Variants in GABRG2 observed in about 807,000 individuals in gnomAD.
The protein encoded by GABRG2 is gamma-aminobutyric acid type A receptor subunit gamma2.
Under a neutral mutation model 56.4 loss-of-function variants are expected in GABRG2, and 16 were observed. That is an observed-to-expected ratio of 0.28 (90% CI 0.19 to 0.43). The LOEUF (loss-of-function observed/expected upper bound fraction) is 0.43, where lower values mean the gene tolerates loss of function less well. GABRG2 is among the 20% of genes least tolerant of loss of function. The probability of loss-of-function intolerance (pLI) is 1.00; values close to 1 mark genes in which losing one functional copy is unlikely to be tolerated. For synonymous variants in GABRG2, 208 were observed against 205.5 expected (o/e 1.01, Z -0.10); for missense variants, 327 against 582.7 (o/e 0.56, Z 4.52).
intron 1 of GABRG2, among the ~76,000 whole-genome samples, chr5:162,087,508 A>G (rs116339982): frequency 0.027 from 4,072 of 152,042 alleles, 80 homozygotes; most frequent in Middle Eastern, 0.054. Flanking sequence ...GGAAAAGTTT[A>G]TCTTTCTGTT....
chr5:162,133,445 G>A (rs922647375), intron 6 of GABRG2, among the ~76,000 whole-genome samples: 1 of 152,038 alleles, frequency 6.6e-6, no homozygotes, highest in Non-Finnish European at 1.5e-5. Flanking sequence ...GAATTGCCCT[G>A]CGTTTATGTA....
At chr5:162,114,904 A>G (rs1330798188) in intron 6 of GABRG2, among the ~76,000 whole-genome samples, 1 of 152,136 alleles carries the variant, frequency 6.6e-6, no homozygotes, top group Non-Finnish European at 1.5e-5. Context: ...CTCACATGTA[A>G]GCAGCTAAAA....
chr5:162,110,630 AAAC>A (rs200545264), intron 6 of GABRG2, among the ~76,000 whole-genome samples: 18,891 of 151,396 alleles, frequency 0.12, 1,246 homozygotes, highest in African/African-American at 0.15. Context: ...GTTGGAAGGG[AAAC>A]AACAACAACA....
chr5:162,141,294 C>T (rs546045854), intron 6 of GABRG2, among the ~76,000 whole-genome samples: 11 of 152,314 alleles, frequency 7.2e-5, no homozygotes, highest in African/African-American at 2.6e-4. Context: ...TCCTCGGCCT[C>T]CCAAAGTGCT....
At chr5:162,129,600 A>G (rs1254078520) in intron 6 of GABRG2, among the ~76,000 whole-genome samples, 1 of 151,974 alleles carries the variant, frequency 6.6e-6, no homozygotes, top group Non-Finnish European at 1.5e-5. Context: ...TGAGATACAG[A>G]TGATAATTTT....
chr5:162,124,735 A>T (rs1345910789), intron 6 of GABRG2, among the ~76,000 whole-genome samples: 2 of 151,688 alleles, frequency 1.3e-5, no homozygotes, highest in Non-Finnish European at 2.9e-5. Context: ...AAAAAGCACT[A>T]TTTCTTAATG....
At chr5:162,079,881 G>A (rs1464080829) in intron 1 of GABRG2, among the ~76,000 whole-genome samples, 1 of 152,110 alleles carries the variant, frequency 6.6e-6, no homozygotes, top group African/African-American at 2.4e-5. Flanking sequence ...CTGGGTTCAA[G>A]CAATTCTCCC....
At chr5:162,138,229 T>C (rs948847839) in intron 6 of GABRG2, among the ~76,000 whole-genome samples, 3 of 152,234 alleles carry the variant, frequency 2.0e-5, no homozygotes, top group African/African-American at 7.2e-5. Flanking sequence ...CTCATAAATT[T>C]GGATCTTTGT....
At chr5:162,086,937 A>C (rs1296783495) in intron 1 of GABRG2, among the ~76,000 whole-genome samples, 1 of 151,920 alleles carries the variant, frequency 6.6e-6, no homozygotes, top group African/African-American at 2.4e-5. Context: ...GTGTGAATGC[A>C]TTTTCTTTTG....
Position 162,116,109 on chromosome 5 carries a change from CATGTGT to C in GABRG2, c.769+12084_769+12089del, listed in dbSNP as rs1159481427. The stretch of plus-strand genomic sequence containing the variant: ...AATTAAACACCAAGGGGTGTGCGTG[CATGTGT>C]GTGTGTGTGTGTGTGTGTGTGTGTG... On this transcript the variant is annotated intron_variant, in intron 6 of 9. Transcript: ENST00000639213. Among the ~76,000 whole-genome samples the C allele has an allele frequency of 1.2e-3, 148 of 125,568 alleles. 3 individuals are homozygous for C. In the South Asian group the frequency reaches 0.015, roughly 12 times the overall value. 82.4% of individuals were successfully genotyped at this position (125,568 alleles called of 152,430 possible). A position where few individuals can be genotyped will look rare whatever the true frequency, so the allele number is the denominator to read the frequency against.
chr5:162,153,281 C>T lies in GABRG2; in HGVS notation c.1341C>T (p.Ala447=). 2 of 1,614,028 alleles carry T rather than the reference C, an allele frequency of 1.2e-6. No homozygotes were observed. Among genetic ancestry groups the T allele is most frequent in the Non-Finnish European group, 1.7e-6 (2 of 1,179,966 alleles). ...ATGGGAGGATACATATCCGCATTGC[C>T]AAAATGGACTCCTATGCTCGGATCT... ...WRHGRIHIRI[A]KMDSYARIFF... Residue 447 remains alanine, a synonymous_variant, in exon 10 of 10, where the codon GCC becomes GCT. Transcript: ENST00000639213.
intron 9 of GABRG2, chr5:162,151,974 G>GT (rs1263810990): frequency 6.8e-6 from 3 of 444,228 alleles, no homozygotes; most frequent in African/African-American, 6.1e-5. Flanking sequence ...TATAATCCCT[G>GT]TGAGATGTCA....
Position 162,154,013 on chromosome 5 carries a change from C to G in GABRG2, c.*645C>G, listed in dbSNP as rs1305875438. The G allele has an allele frequency of 6.5e-6, 1 of 153,018 alleles. No individual in the cohort carries two copies. The highest frequency in any genetic ancestry group is 1.5e-5 in the Non-Finnish European group (1 of 68,484). The allele number at this position is 153,018 out of a possible 1,614,324, so 9.5% of individuals were successfully genotyped here. On this transcript the variant is annotated 3_prime_UTR_variant, in exon 10 of 10. Transcript: ENST00000639213. ...ATCCTATTGTCTTTTATTTTGTGTCCTTGGGCTATAAAAGATTCCTGAATG... is the reference window on the plus strand; with the variant it reads ...ATCCTATTGTCTTTTATTTTGTGTCGTTGGGCTATAAAAGATTCCTGAATG...
intron 1 of GABRG2, among the ~76,000 whole-genome samples, chr5:162,069,295 A>G (rs527726696): frequency 6.6e-6 from 1 of 152,296 alleles, no homozygotes; most frequent in African/African-American, 2.4e-5. Flanking sequence ...ATTTTGAAAT[A>G]AAGTTCTATA....
chr5:162,077,629 A>G (rs918540031), intron 1 of GABRG2, among the ~76,000 whole-genome samples: 1 of 152,198 alleles, frequency 6.6e-6, no homozygotes, highest in African/African-American at 2.4e-5. Context: ...TTAGTTATCT[A>G]TGTCTACATT....
chr5:162,107,289 T>G (rs1761907570), intron 6 of GABRG2, among the ~76,000 whole-genome samples: 1 of 152,122 alleles, frequency 6.6e-6, no homozygotes, highest in Non-Finnish European at 1.5e-5. Flanking sequence ...AACCAGGACA[T>G]TTAACAAAAA....
chr5:162,135,518 A>G (rs1764059254), intron 6 of GABRG2, among the ~76,000 whole-genome samples: 1 of 152,186 alleles, frequency 6.6e-6, no homozygotes, highest in African/African-American at 2.4e-5. Flanking sequence ...ATAGTGAGCA[A>G]AATAGCTAGA....
At chr5:162,131,690 A>G (rs1763768711) in intron 6 of GABRG2, among the ~76,000 whole-genome samples, 1 of 152,076 alleles carries the variant, frequency 6.6e-6, no homozygotes, top group Admixed American at 6.6e-5. Flanking sequence ...AAAGACTTTT[A>G]ACATGCATAC....
chr5:162,116,342 T>C (rs1210543731), intron 6 of GABRG2, among the ~76,000 whole-genome samples: 1 of 151,904 alleles, frequency 6.6e-6, no homozygotes, highest in Non-Finnish European at 1.5e-5. Flanking sequence ...GACAATGCTA[T>C]GGTAACAAAT....
Sources: gnomAD v4.1 joint callset for allele counts (sites outside exome capture counted in the v4.1 genomes callset) on GRCh38, gnomAD v4.1.1 for gene constraint, MANE v1.5 for transcripts, NCBI Gene and HGNC (gene_info 2026-07-23, HGNC 2026-07-21) for gene names.